Variants in NLN observed in about 807,000 individuals in gnomAD.
NLN encodes neurolysin.
Under a neutral mutation model 79.9 loss-of-function variants are expected in NLN, and 64 were observed. That is an observed-to-expected ratio of 0.80 (90% CI 0.65 to 0.99). The LOEUF is 0.99. Among genes scored for constraint, NLN ranks in the 50% least tolerant of loss-of-function variants. NLN has a pLI of 0.00. For synonymous variants in NLN, 267 were observed against 296.6 expected, an observed-to-expected ratio of 0.90 and a Z score of 1.02; for missense variants, 835 against 858.7, an observed-to-expected ratio of 0.97 and a Z score of 0.34.
intron 1 of NLN, among the ~76,000 whole-genome samples, chr5:65,736,627 G>C (rs1261712320): frequency 6.9e-6 from 1 of 144,126 alleles, no homozygotes; most frequent in Non-Finnish European, 1.5e-5. Flanking sequence ...GGTATTACTT[G>C]GCTTTTATAT....
chr5:65,821,862 G>T lies in NLN; in HGVS notation c.1981-919G>T, dbSNP rs187016194. Among the ~76,000 whole-genome samples, 513 of 152,252 alleles carry T rather than the reference G, an allele frequency of 3.4e-3. 4 individuals carry two copies. The highest frequency in any genetic ancestry group is 4.1e-3 in the Non-Finnish European group (281 of 68,010). On this transcript the variant is annotated intron_variant, in intron 12 of 12. Transcript: ENST00000380985. ...CATGTTTTATTTTCCTTAAAAGTTT[G>T]ACTAAATTTACCTCTGATGGTTGTA...
At chr5:65,728,786 A>G (rs1035140151) in intron 1 of NLN, among the ~76,000 whole-genome samples, 2 of 152,156 alleles carry the variant, frequency 1.3e-5, no homozygotes, top group Non-Finnish European at 2.9e-5. Flanking sequence ...TGATGTGAAA[A>G]TTTATTTATA....
At chr5:65,779,398 A>G (rs1193113476) in intron 4 of NLN, among the ~76,000 whole-genome samples, 3 of 151,558 alleles carry the variant, frequency 2.0e-5, no homozygotes, top group Non-Finnish European at 4.4e-5. Flanking sequence ...TTATTGCTTC[A>G]TTTGATCTCC....
intron 3 of NLN, among the ~76,000 whole-genome samples, chr5:65,769,827 CTGTT>C (rs549411765): frequency 6.6e-6 from 1 of 152,194 alleles, no homozygotes; most frequent in South Asian, 2.1e-4. Context: ...ACCATGTAGA[CTGTT>C]TGTTAAACCC....
At chr5:65,760,972 A>G (rs1051036707) in intron 2 of NLN, among the ~76,000 whole-genome samples, 1 of 152,136 alleles carries the variant, frequency 6.6e-6, no homozygotes, top group African/African-American at 2.4e-5. Flanking sequence ...TGAGTTTAGG[A>G]ATAGATTTCT....
At chr5:65,800,536 A>G (rs993175295) in intron 9 of NLN, among the ~76,000 whole-genome samples, 1 of 152,060 alleles carries the variant, frequency 6.6e-6, no homozygotes, top group African/African-American at 2.4e-5. Flanking sequence ...TTAGCTGGAC[A>G]TGGTGGCGGG....
intron 3 of NLN, among the ~76,000 whole-genome samples, chr5:65,776,209 G>A (rs182928141): frequency 2.6e-5 from 4 of 152,228 alleles, no homozygotes; most frequent in East Asian, 1.9e-4. Flanking sequence ...GCTGATAATC[G>A]CACCACTGCA....
intron 4 of NLN, 143 bp from the exon 5 acceptor site, chr5:65,780,036 G>A (rs1759763388): frequency 3.8e-6 from 2 of 524,526 alleles, no homozygotes; most frequent in East Asian, 7.1e-5. Context: ...ATGTTAGCCA[G>A]GCTGGTCTTG....
chr5:65,723,180 T>A (rs1758360297), intron 1 of NLN: 1 of 152,246 alleles, frequency 6.6e-6, no homozygotes, highest in Non-Finnish European at 1.5e-5. Flanking sequence ...TAAATCCAAA[T>A]GAAGATTCAA....
chr5:65,789,161 A>T (rs774284774), intron 8 of NLN, among the ~76,000 whole-genome samples: 4 of 151,608 alleles, frequency 2.6e-5, no homozygotes, highest in Admixed American at 2.6e-4. Flanking sequence ...AAAAGACTCT[A>T]CTCTTCCATA....
At chr5:65,769,205 C>A (rs1285814732) in intron 3 of NLN, among the ~76,000 whole-genome samples, 4 of 152,192 alleles carry the variant, frequency 2.6e-5, no homozygotes, top group East Asian at 1.9e-4. Context: ...TCAAGGAACA[C>A]CACATCTCAG....
At chr5:65,781,460 A>C (rs183760169) in intron 6 of NLN, 39 bp downstream of exon 6, 3 of 1,459,866 alleles carry the variant, frequency 2.1e-6, no homozygotes, top group Middle Eastern at 2.1e-4. Context: ...TTTTAATGGA[A>C]TATTTTAAGA....
intron 1 of NLN, among the ~76,000 whole-genome samples, chr5:65,757,082 T>C (rs577288641): frequency 4.6e-5 from 7 of 152,314 alleles, no homozygotes; most frequent in African/African-American, 1.4e-4. Flanking sequence ...ATTTGTCCTT[T>C]CTACTGTATT....
intron 3 of NLN, among the ~76,000 whole-genome samples, chr5:65,767,920 T>C (rs1466369255): frequency 6.6e-6 from 1 of 152,218 alleles, no homozygotes; most frequent in Non-Finnish European, 1.5e-5. Flanking sequence ...AAGCATAGCA[T>C]GGGTGACCTT....
intron 1 of NLN, among the ~76,000 whole-genome samples, chr5:65,727,576 A>T (rs1758507171): frequency 6.6e-6 from 1 of 152,168 alleles, no homozygotes; most frequent in South Asian, 2.1e-4. Context: ...GCAAACCAGG[A>T]GAATTCCTCC....
At chr5:65,816,557 A>G (rs1760676126) in intron 12 of NLN, among the ~76,000 whole-genome samples, 1 of 152,038 alleles carries the variant, frequency 6.6e-6, no homozygotes, top group African/African-American at 2.4e-5. Context: ...AAAGAAACAG[A>G]AAAATACTTC....
intron 9 of NLN, among the ~76,000 whole-genome samples, chr5:65,807,676 G>T (rs1760447720): frequency 6.6e-6 from 1 of 152,144 alleles, no homozygotes; most frequent in South Asian, 2.1e-4. Flanking sequence ...CTGACCTCAG[G>T]TGATCCACCC....
intron 9 of NLN, 78 bp from the exon 10 acceptor site, chr5:65,809,437 C>T (rs1235963929): frequency 4.8e-6 from 6 of 1,243,076 alleles, no homozygotes; most frequent in Admixed American, 2.3e-5. Context: ...CTTAAGTTTT[C>T]GTGACTCTTA....
intron 9 of NLN, among the ~76,000 whole-genome samples, chr5:65,801,171 G>A (rs1760277691): frequency 1.3e-5 from 2 of 152,164 alleles, no homozygotes; most frequent in Non-Finnish European, 2.9e-5. Flanking sequence ...TATTTTGTGT[G>A]TTTTTTACTG....
Sources: gnomAD v4.1 joint callset for allele counts (sites outside exome capture counted in the v4.1 genomes callset) on GRCh38, gnomAD v4.1.1 for gene constraint, MANE v1.5 for transcripts, NCBI Gene and HGNC (gene_info 2026-07-23, HGNC 2026-07-21) for gene names.